RBFOX2: variants seen among roughly 807,000 people sequenced by gnomAD.
RBFOX2 encodes RNA binding protein fox-1 homolog 2.
Under a neutral mutation model 49.1 loss-of-function variants are expected in RBFOX2, and 10 were observed. The ratio of observed to expected loss-of-function variants is 0.20; its 90% confidence interval spans 0.13 to 0.35. RBFOX2 has a LOEUF of 0.35. Among genes scored for constraint, RBFOX2 ranks in the 10% least tolerant of loss-of-function variants. The pLI is 1.00. For synonymous variants in RBFOX2, 183 were observed against 187.4 expected, an observed-to-expected ratio of 0.98 and a Z score of 0.19; for missense variants, 323 against 486.9, an observed-to-expected ratio of 0.66 and a Z score of 3.17.
At chr22:35,937,162 A>C (rs377482427) in intron 1 of RBFOX2, among the ~76,000 whole-genome samples, 3 of 152,200 alleles carry the variant, frequency 2.0e-5, no homozygotes, top group East Asian at 3.8e-4. Flanking sequence ...CCAATCTTAC[A>C]CTTACCCAAT....
At chr22:35,754,803 T>C (rs1936357123) in intron 9 of RBFOX2, among the ~76,000 whole-genome samples, 1 of 152,190 alleles carries the variant, frequency 6.6e-6, no homozygotes. Flanking sequence ...TTGGGTTTTA[T>C]GCCTGACTAT....
intron 1 of RBFOX2, among the ~76,000 whole-genome samples, chr22:35,891,100 A>G (rs951251471): frequency 6.6e-6 from 1 of 152,178 alleles, no homozygotes; most frequent in African/African-American, 2.4e-5. Context: ...AAAAATCATT[A>G]TTACCTGTGC....
chr22:35,750,548 G>C, intron 9 of RBFOX2: 2 of 866,758 alleles, frequency 2.3e-6, no homozygotes, highest in Non-Finnish European at 3.8e-6. Flanking sequence ...CGGCTTTTTG[G>C]AACTCTGATA....
At chr22:35,757,516 A>G (rs145199821) in intron 9 of RBFOX2, among the ~76,000 whole-genome samples, 1 of 152,350 alleles carries the variant, frequency 6.6e-6, no homozygotes, top group East Asian at 1.9e-4. Context: ...GCTGACAAGT[A>G]AAGTCATCAA....
intron 2 of RBFOX2, among the ~76,000 whole-genome samples, chr22:35,787,014 T>C (rs2147325473): frequency 6.6e-6 from 1 of 152,192 alleles, no homozygotes; most frequent in South Asian, 2.1e-4. Flanking sequence ...CACGGAAGGC[T>C]ACACTAGAGG....
chr22:36,003,132 C>A (rs2058494694), intron 1 of RBFOX2, among the ~76,000 whole-genome samples: 1 of 152,248 alleles, frequency 6.6e-6, no homozygotes. Context: ...AACCCCTTCT[C>A]TGTTCCTACA....
intron 1 of RBFOX2, among the ~76,000 whole-genome samples, chr22:35,814,831 G>A (rs938145783): frequency 6.6e-6 from 1 of 151,940 alleles, no homozygotes; most frequent in African/African-American, 2.4e-5. Context: ...AAGGAGGGAG[G>A]ATCTCTTGAG....
chr22:35,914,630 ATACC>A (rs1440524655), intron 1 of RBFOX2, among the ~76,000 whole-genome samples: 1 of 152,230 alleles, frequency 6.6e-6, no homozygotes, highest in African/African-American at 2.4e-5. Flanking sequence ...TGTGATTCAG[ATACC>A]TAAGAGTTAA....
chr22:35,829,635 T>A (rs1478780224), intron 1 of RBFOX2, among the ~76,000 whole-genome samples: 1 of 152,170 alleles, frequency 6.6e-6, no homozygotes, highest in African/African-American at 2.4e-5. Context: ...AATGGCTGGT[T>A]AGGATCTGCT....
intron 1 of RBFOX2, among the ~76,000 whole-genome samples, chr22:35,811,583 C>T (rs190652690): frequency 1.3e-5 from 2 of 152,234 alleles, no homozygotes; most frequent in Admixed American, 1.3e-4. Context: ...TTTCTTATGG[C>T]AGCCCTTGCA....
At chr22:35,957,081 T>TGGG (rs909546525) in intron 1 of RBFOX2, among the ~76,000 whole-genome samples, 133 of 152,262 alleles carry the variant, frequency 8.7e-4, no homozygotes, top group African/African-American at 2.9e-3. Flanking sequence ...TAGTGAGGTA[T>TGGG]GGGGGAAAGT....
chr22:35,807,170 C>A (rs561765954), intron 2 of RBFOX2, among the ~76,000 whole-genome samples: 1 of 151,732 alleles, frequency 6.6e-6, no homozygotes, highest in African/African-American at 2.4e-5. Context: ...AACAAAATGA[C>A]AGAAAAAAAT....
rs1937792930 is a variant in RBFOX2, at chr22:35,759,129, A to G, written c.887+759T>C. On this transcript the variant is annotated intron_variant, in intron 9 of 11. Coordinates refer to ENST00000405409, the Ensembl canonical transcript of RBFOX2. This position sits in a 1 kb window ranked among gnomAD's most constrained non-coding sequence, Gnocchi z 4.6. ...TAGGCTGACACTGAGAAACCCCTAAAAACAAAACCTGCCATCTTCACTCCT... is the reference window on the plus strand; with the variant it reads ...TAGGCTGACACTGAGAAACCCCTAAGAACAAAACCTGCCATCTTCACTCCT... 6.6e-6 allele frequency among the ~76,000 whole-genome samples: 1 copy of G among 152,158 alleles called. No homozygotes were observed. The highest frequency in any genetic ancestry group is 6.5e-5 in the Admixed American group (1 of 15,284).
intron 1 of RBFOX2, among the ~76,000 whole-genome samples, chr22:35,877,426 GAGAA>G (rs1311258487): frequency 2.0e-5 from 3 of 152,156 alleles, no homozygotes; most frequent in Admixed American, 2.0e-4. Context: ...ATTTTTAAAG[GAGAA>G]AGAGACTTGG....
Position 35,796,749 on chromosome 22 carries a change from C to A in RBFOX2, c.252+13031G>T, listed in dbSNP as rs547722094. 8.5e-5 allele frequency among the ~76,000 whole-genome samples: 13 copies of A among 152,240 alleles called. No homozygotes were observed. In the South Asian group the frequency reaches 2.5e-3, roughly 29 times the overall value. On this transcript the variant is annotated intron_variant, in intron 2 of 11. Transcript: ENST00000405409. ...TGTAAAATATCGGCTTACTGAGTTA[C>A]GGAGCTCTTTCAAATGTGAGGACAT... is the stretch of plus-strand genomic sequence containing the variant.
chr22:35,861,070 G>T (rs559235451), intron 1 of RBFOX2, among the ~76,000 whole-genome samples: 9 of 152,288 alleles, frequency 5.9e-5, no homozygotes, highest in African/African-American at 2.2e-4. Context: ...GGTGCAAACG[G>T]AATTCAGTAG....
intron 4 of RBFOX2, among the ~76,000 whole-genome samples, chr22:35,773,825 T>C (rs1168558044): frequency 6.6e-6 from 1 of 152,088 alleles, no homozygotes; most frequent in Non-Finnish European, 1.5e-5. Context: ...TGTTATGTGG[T>C]TGGATGATGG....
chr22:35,777,641 T>C (rs1291726508), intron 4 of RBFOX2: 1 of 179,730 alleles, frequency 5.6e-6, no homozygotes, highest in Non-Finnish European at 1.2e-5. Flanking sequence ...TTTGGTTGAA[T>C]TGTTCTGATA....
chr22:35,800,516 C>G (rs1949578538), intron 2 of RBFOX2, among the ~76,000 whole-genome samples: 1 of 152,210 alleles, frequency 6.6e-6, no homozygotes, highest in Non-Finnish European at 1.5e-5. Context: ...TATCCCGAGG[C>G]ATTTTGATCC....
Sources: gnomAD v4.1 joint callset for allele counts (sites outside exome capture counted in the v4.1 genomes callset) on GRCh38, gnomAD v4.1.1 for gene constraint, Gnocchi (gnomAD v3.1) non-coding constraint, MANE v1.5 for transcripts, NCBI Gene and HGNC (gene_info 2026-07-23, HGNC 2026-07-21) for gene names.